The following RUFY2 variants were observed in gnomAD, a reference collection of about 807,000 sequenced individuals.
RUFY2 encodes RUN and FYVE domain containing 2.
In RUFY2, 49 loss-of-function variants were observed where a neutral mutation model predicts 94.4. The observed-to-expected ratio is 0.52, with a 90% CI of 0.41 to 0.66. The LOEUF (loss-of-function observed/expected upper bound fraction) is 0.66, where lower values mean the gene tolerates loss of function less well. Ranked by LOEUF, RUFY2 falls within the 30% of genes least tolerant of loss-of-function variation. The pLI, the probability that RUFY2 is intolerant of heterozygous loss-of-function variation, is 0.00. For missense variants in RUFY2, 541 were observed against 692.8 expected (o/e 0.78, Z 2.46); for synonymous variants, 255 against 235.7 (o/e 1.08, Z -0.75).
chr10:68,369,595 A>C (rs959548121), intron 13 of RUFY2, among the ~76,000 whole-genome samples: 2 of 152,100 alleles, frequency 1.3e-5, no homozygotes, highest in African/African-American at 2.4e-5. Flanking sequence ...TAATGGACTA[A>C]CAGGTTATCA....
chr10:68,357,237 T>G (rs1405688334), intron 15 of RUFY2, among the ~76,000 whole-genome samples: 1 of 151,970 alleles, frequency 6.6e-6, no homozygotes, highest in Non-Finnish European at 1.5e-5. Flanking sequence ...AACTTTGTTT[T>G]TTTTTTTTTT....
intron 7 of RUFY2, among the ~76,000 whole-genome samples, chr10:68,391,860 G>T (rs975283152): frequency 4.0e-5 from 6 of 150,402 alleles, no homozygotes. Flanking sequence ...TACTCGGGAG[G>T]CTGAGGTAGG....
rs574298641 is a variant in RUFY2, at chr10:68,377,743, A to G, written c.1206-771T>C. ...TGGCCATCTAGGATTTCTTGTATTT[A>G]ACTTCAATATTTTTATAAGAAAATA... On this transcript the variant is annotated intron_variant, in intron 12 of 17. Transcript: ENST00000602465. 4 of 984,430 alleles carry G rather than the reference A, an allele frequency of 4.1e-6. No individual in the cohort carries two copies. In the East Asian group the frequency reaches 4.5e-4, roughly 112 times the overall value. The allele number at this position is 984,430 out of a possible 1,614,324, so 61.0% of individuals were successfully genotyped here. A position where few individuals can be genotyped will look rare whatever the true frequency, so the allele number is the denominator to read the frequency against.
chr10:68,370,524 G>A (rs1174267363), intron 13 of RUFY2, among the ~76,000 whole-genome samples: 1 of 142,876 alleles, frequency 7.0e-6, no homozygotes, highest in African/African-American at 2.6e-5. Flanking sequence ...GTGTATGCCT[G>A]TAGTCCTAGC....
At chr10:68,342,044 GGAT>G, downstream of RUFY2, 1 of 1,613,100 alleles carries the variant, frequency 6.2e-7, no homozygotes, top group African/African-American at 1.3e-5. Flanking sequence ...GGATGGCGTG[GGAT>G]GTACTGAAAG....
chr10:68,355,357 A>C lies in RUFY2; in HGVS notation c.1595T>G (p.Leu532Trp). 6.2e-7 allele frequency: 1 copy of C among 1,610,758 alleles called. No individual in the cohort carries two copies. Among genetic ancestry groups the C allele is most frequent in the Admixed American group, 1.7e-5 (1 of 59,846 alleles). The part of the protein sequence containing the change: ...IEDIKEANKA[L>W]QGLVWLKDKE... ...TTAGGAAAACGTTCTACTCACCTGC[A>C]ATGCTTTGTTGGCTTCTTTTATGTC... The change falls in exon 16 of 18, where the codon TTG (leucine) becomes TGG (tryptophan). Residue 532 changes from leucine to tryptophan, a missense_variant. Around this residue, in one of 3 missense-constraint regions of RUFY2, gnomAD observed 403 missense variants for 480.7 expected, o/e 0.84. Coordinates refer to ENST00000602465, the MANE Select transcript of RUFY2 (RefSeq NM_001330103.2).
chr10:68,353,115 C>G (rs935086653), intron 16 of RUFY2, among the ~76,000 whole-genome samples: 1 of 151,952 alleles, frequency 6.6e-6, no homozygotes, highest in Non-Finnish European at 1.5e-5. Context: ...GGTGCATCAC[C>G]TGAGGTCAGG....
chr10:68,355,829 G>A (rs1183048451), intron 15 of RUFY2: 1 of 152,636 alleles, frequency 6.6e-6, no homozygotes, highest in Non-Finnish European at 1.5e-5. Flanking sequence ...CAGGAGAATG[G>A]CGTGAACCCG....
In RUFY2 at chr10:68,384,128, T is replaced by C. The variant is rs1386683364; in HGVS notation, c.745A>G (p.Ile249Val). ...EELAIAKNNIIKLQEENHQLR... is the reference protein window; with the variant it reads ...EELAIAKNNIVKLQEENHQLR... Reference sequence around the variant, plus strand: ...TGATGATTTTCTTCCTGGAGTTTAATGATGTTATTCTTTGCTATTGCTAAC... The same window carrying C: ...TGATGATTTTCTTCCTGGAGTTTAACGATGTTATTCTTTGCTATTGCTAAC... The change falls in exon 9 of 18, where the codon ATT becomes GTT. Residue 249 changes from isoleucine to valine, a missense_variant. Ile to Val is a conservative substitution (Grantham distance 29, BLOSUM62 3). Around this residue, in one of 3 missense-constraint regions of RUFY2, gnomAD observed 403 missense variants for 480.7 expected, o/e 0.84. Coordinates refer to ENST00000602465, the MANE Select transcript of RUFY2 (RefSeq NM_001330103.2). 7 of 1,611,090 alleles carry C rather than the reference T, an allele frequency of 4.3e-6. No homozygotes were observed. Among genetic ancestry groups the C allele is most frequent in the Admixed American group, 3.3e-5 (2 of 59,876 alleles).
intron 11 of RUFY2, among the ~76,000 whole-genome samples, chr10:68,380,469 A>G (rs1479731882): frequency 6.6e-6 from 1 of 152,168 alleles, no homozygotes; most frequent in East Asian, 1.9e-4. Context: ...TTGGAAGATG[A>G]CAGAATACAC....
chr10:68,359,606 C>CTA (rs963397882), intron 15 of RUFY2, among the ~76,000 whole-genome samples: 6 of 144,242 alleles, frequency 4.2e-5, no homozygotes, highest in Non-Finnish European at 6.0e-5. Flanking sequence ...AGTAGTGCTA[C>CTA]TATATATATA....
At chr10:68,388,333 C>T (rs1589940921) in intron 7 of RUFY2, among the ~76,000 whole-genome samples, 3 of 151,824 alleles carry the variant, frequency 2.0e-5, no homozygotes, top group Non-Finnish European at 4.4e-5. Context: ...CGTGGTGTTA[C>T]GTGTCTGTAA....
chr10:68,407,077 C>A, intron 1 of RUFY2, 109 bp downstream of exon 1: 1 of 1,495,076 alleles, frequency 6.7e-7, no homozygotes, highest in South Asian at 1.3e-5. Context: ...GGCCCCAGTT[C>A]CGACTGGCGG....
chr10:68,354,798 T>C (rs2046928389), intron 16 of RUFY2, among the ~76,000 whole-genome samples: 1 of 151,900 alleles, frequency 6.6e-6, no homozygotes, highest in East Asian at 1.9e-4. Flanking sequence ...TTTCACTCTA[T>C]CATGCCATAC....
At chr10:68,371,451 G>C (rs1358869076) in intron 13 of RUFY2, among the ~76,000 whole-genome samples, 1 of 151,784 alleles carries the variant, frequency 6.6e-6, no homozygotes, top group Non-Finnish European at 1.5e-5. Context: ...AATTAGCTGG[G>C]CATGATGGCG....
At position 68,345,829 on chromosome 10, in the gene RUFY2, A is replaced by G; in HGVS notation, c.1760T>C (p.Val587Ala). The G allele has an allele frequency of 1.2e-6, 2 of 1,613,994 alleles. No homozygotes were observed. Among genetic ancestry groups the G allele is most frequent in the East Asian group, 4.5e-5 (2 of 44,878 alleles). ...TGCATGACAGGAATCACAAACCCGT[A>G]CTGGTTTTGGTGAAGAAGGCAAAGG... is the stretch of plus-strand genomic sequence containing the variant. ...ELPLPSSPKPVRVCDSCHALL... is the reference protein window; with the variant it reads ...ELPLPSSPKPARVCDSCHALL... The change falls in exon 18 of 18, where the codon GTA (valine) becomes GCA (alanine). Residue 587 changes from valine (V) to alanine (A), a missense_variant. Around this residue, in one of 3 missense-constraint regions of RUFY2, gnomAD observed 403 missense variants for 480.7 expected, o/e 0.84. Transcript: ENST00000602465.
At chr10:68,376,751 C>A in intron 13 of RUFY2, 102 bp downstream of exon 13, 1 of 1,140,416 alleles carries the variant, frequency 8.8e-7, no homozygotes, top group South Asian at 1.5e-5. Flanking sequence ...AGCTAACTGG[C>A]ATCATTAGAT....
chr10:68,341,686 T>G, downstream of RUFY2: 1 of 1,607,138 alleles, frequency 6.2e-7, no homozygotes, highest in Non-Finnish European at 8.5e-7. Context: ...AATGGGTATG[T>G]AAAGTTTTTA....
chr10:68,355,227 G>A (rs1274192391), intron 16 of RUFY2, 126 bp downstream of exon 16: 2 of 615,380 alleles, frequency 3.3e-6, no homozygotes, highest in African/African-American at 3.8e-5. Flanking sequence ...CAGCATCCAA[G>A]CTCCTCATTC....
Sources: gnomAD v4.1 joint callset for allele counts (sites outside exome capture counted in the v4.1 genomes callset) on GRCh38, gnomAD v4.1.1 for gene constraint, gnomAD v4.1.1 regional missense constraint, MANE v1.5 for transcripts, NCBI Gene and HGNC (gene_info 2026-07-23, HGNC 2026-07-21) for gene names.